ZNF276: variants seen among roughly 807,000 people sequenced by gnomAD.
ZNF276 encodes zinc finger protein 276.
A neutral mutation model predicts 63.9 loss-of-function variants in ZNF276; 59 were observed. That is an observed-to-expected ratio of 0.92 (90% CI 0.75 to 1.15). The LOEUF is 1.15. Among genes scored for constraint, ZNF276 ranks in the 50% most tolerant of loss-of-function variants. ZNF276 has a pLI of 0.00. For synonymous variants in ZNF276, 496 were observed against 348.4 expected, an observed-to-expected ratio of 1.42 and a Z score of -4.72; for missense variants, 1,084 against 843.8, an observed-to-expected ratio of 1.28 and a Z score of -3.53.
At position 89,739,603 on chromosome 16, in the gene ZNF276, A is replaced by T. The variant is rs1168461594; in HGVS notation, c.*1357A>T. On this transcript the variant is annotated 3_prime_UTR_variant, in exon 11 of 11. Transcript: ENST00000443381. ...GCAACTCTGGACATCTCTGCCTATT[A>T]TCAGTGCTGGGGACACCCCTGGGGG... 2 of 1,540,842 alleles carry T rather than the reference A, an allele frequency of 1.3e-6. No individual in the cohort carries two copies. Among genetic ancestry groups the T allele is most frequent in the Middle Eastern group, 1.7e-4 (1 of 5,958 alleles).
In ZNF276 at chr16:89,740,790, A is replaced by T; in HGVS notation, c.*2544A>T. On this transcript the variant is annotated 3_prime_UTR_variant, in exon 11 of 11. Coordinates refer to ENST00000443381, the MANE Select transcript of ZNF276 (RefSeq NM_001113525.2). ...AGTGGGAGAGGACACCTTGGCTGGTAAGGTCTGACTTACATTTGAGGTCAG... is the reference window on the plus strand; with the variant it reads ...AGTGGGAGAGGACACCTTGGCTGGTTAGGTCTGACTTACATTTGAGGTCAG... The T allele has an allele frequency of 6.2e-7, 1 of 1,612,204 alleles. No individual in the cohort carries two copies. The highest frequency in any genetic ancestry group is 8.5e-7 in the Non-Finnish European group (1 of 1,178,668).
intron 4 of ZNF276, among the ~76,000 whole-genome samples, chr16:89,724,867 T>C (rs561903944): frequency 9.2e-5 from 14 of 152,316 alleles, no homozygotes; most frequent in South Asian, 4.1e-4. Context: ...TCTCTCTCTA[T>C]CTACCTACCT....
chr16:89,720,877 A>AGGCGGCGGCGGT, upstream of ZNF276: 11 of 1,349,056 alleles, frequency 8.2e-6, no homozygotes, highest in Non-Finnish European at 1.1e-5. Flanking sequence ...CGAGCGGGGG[A>AGGCGGCGGCGGT]GGCGGCGGCG....
chr16:89,722,147 C>T (rs1457465417), intron 1 of ZNF276, among the ~76,000 whole-genome samples: 1 of 152,166 alleles, frequency 6.6e-6, no homozygotes, highest in Non-Finnish European at 1.5e-5. Context: ...ATCGCCCTCC[C>T]CTGCTTCGTG....
rs2062033003 is a variant in ZNF276, at chr16:89,738,735, C to T, written c.*489C>T. The stretch of plus-strand genomic sequence containing the variant: ...TGTGAGAGAGGAGCAGGTCCTCAGC[C>T]CATGCCGCCCACTAGGCCTCAGACC... On this transcript the variant is annotated 3_prime_UTR_variant, in exon 11 of 11. Transcript: ENST00000443381. The T allele has an allele frequency of 6.2e-7, 1 of 1,613,140 alleles. No individual in the cohort carries two copies. Among genetic ancestry groups the T allele is most frequent in the Non-Finnish European group, 8.5e-7 (1 of 1,179,616 alleles).
chr16:89,726,521 C>T (rs1407504301), intron 4 of ZNF276, among the ~76,000 whole-genome samples: 8 of 152,060 alleles, frequency 5.3e-5, no homozygotes, highest in Non-Finnish European at 8.8e-5. Flanking sequence ...TTTGTAGAGA[C>T]GGGGTTTAAC....
Position 89,738,495 on chromosome 16 carries a change from G to A in ZNF276, c.*249G>A, listed in dbSNP as rs1238708842. 4 of 1,542,590 alleles carry A rather than the reference G, an allele frequency of 2.6e-6. No individual in the cohort carries two copies. In the African/African-American group the frequency reaches 4.1e-5, roughly 16 times the overall value. Reference sequence around the variant, plus strand: ...ATTGATTCCTTTCCCCACTAAAGCAGTCGAGGAGATTTGTAATCCACTTTT... The same window carrying A: ...ATTGATTCCTTTCCCCACTAAAGCAATCGAGGAGATTTGTAATCCACTTTT... On this transcript the variant is annotated 3_prime_UTR_variant, in exon 11 of 11. Transcript: ENST00000443381.
rs555465664 is a variant in ZNF276 at position 89,739,942 on chromosome 16, C to T, written c.*1696C>T. 256 of 1,608,660 alleles carry T rather than the reference C, an allele frequency of 1.6e-4. 9 individuals are homozygous for T. The South Asian group carries it at 2.7e-3, about 17-fold the overall frequency. On this transcript the variant is annotated 3_prime_UTR_variant, in exon 11 of 11. Transcript: ENST00000443381. ...CTCGTTCTTAACCATTTGCAAGATG[C>T]CTCTGAAAAGAGCGGCCCTCCGCAT...
Position 89,723,162 on chromosome 16 carries a change from G to T in ZNF276, c.535G>T (p.Ala179Ser). 1.9e-6 allele frequency: 3 copies of T among 1,613,252 alleles called. No individual in the cohort carries two copies. Among genetic ancestry groups the T allele is most frequent in the Non-Finnish European group, 2.5e-6 (3 of 1,180,036 alleles). The change falls in exon 3 of 11, where the codon GCA becomes TCA. Residue 179 changes from alanine to serine, a missense_variant. Ala to Ser is a moderately conservative substitution (Grantham distance 99). Transcript: ENST00000443381. ...AKVGAQPPTG[A>S]EEGACLVDLI... ...GGTCGGTGCCCAGCCCCCAACAGGG[G>T]CAGAGGAGGGAGCGTGTCTGGGTGA...
At chr16:89,735,896 TTTGTTTG>T (rs1291386072) in intron 9 of ZNF276, among the ~76,000 whole-genome samples, 17 of 93,128 alleles carry the variant, frequency 1.8e-4, no homozygotes, top group South Asian at 9.2e-4. Context: ...TTTTTGTTTG[TTTGTTTG>T]TTTTTTTGAC....
intron 9 of ZNF276, chr16:89,737,520 C>G (rs75003620): frequency 3.2e-6 from 1 of 317,188 alleles, no homozygotes; most frequent in African/African-American, 2.4e-5. Context: ...AACTCCATCT[C>G]AAAAAAAAAA....
intron 6 of ZNF276, 80 bp from the exon 7 acceptor site, chr16:89,733,222 A>AT: frequency 7.6e-7 from 1 of 1,315,792 alleles, no homozygotes; most frequent in East Asian, 2.3e-5. Flanking sequence ...AGAAAAGACC[A>AT]TTTCTCAGGT....
Position 89,723,500 on chromosome 16 carries a change from A to G in ZNF276, c.797A>G (p.Glu266Gly), listed in dbSNP as rs1269183106. 1 of 1,612,908 alleles carries G rather than the reference A, an allele frequency of 6.2e-7. No homozygotes were observed. The highest frequency in any genetic ancestry group is 8.5e-7 in the Non-Finnish European group (1 of 1,179,998). The change falls in exon 4 of 11, where the codon GAG becomes GGG. Residue 266 changes from glutamate to glycine, a missense_variant. Physicochemically the swap from Glu to Gly is moderately conservative, Grantham distance 98. Coordinates refer to ENST00000443381, the MANE Select transcript of ZNF276 (RefSeq NM_001113525.2). ...GCAGTCAAGTGGCCATGGGACAAAG[A>G]GACGGCGCCACGGCTGCCCCAGCAC... ...ALAVKWPWDKETAPRLPQHRG... is the reference protein window; with the variant it reads ...ALAVKWPWDKGTAPRLPQHRG...
intron 5 of ZNF276, among the ~76,000 whole-genome samples, 194 bp downstream of exon 5, chr16:89,727,551 C>G (rs1418353079): frequency 2.0e-5 from 3 of 152,186 alleles, no homozygotes; most frequent in Admixed American, 6.5e-5. Context: ...TGTCCGTGCC[C>G]TGGTTGGGAC....
chr16:89,729,278 C>T lies in ZNF276; in HGVS notation c.1129C>T (p.Gln377Ter), dbSNP rs374059736. ...TGAAAATGACAAGAAGCAAAATGCC[C>T]AGTCTTCGGACGAGTCCTTTGAGCC... The part of the protein sequence containing the change: ...EDENDKKQNA[Q>*]SSDESFEPYP... The change falls in exon 6 of 11, where the codon CAG becomes TAG. Residue 377 changes from glutamine (Q) to a stop codon, truncating the protein, a stop_gained. Transcript: ENST00000443381. LOFTEE classifies it high-confidence loss of function. The T allele has an allele frequency of 1.2e-6, 2 of 1,614,140 alleles. No individual in the cohort carries two copies. Among genetic ancestry groups the T allele is most frequent in the Non-Finnish European group, 1.7e-6 (2 of 1,180,026 alleles).
At position 89,738,297 on chromosome 16, in the gene ZNF276, G is replaced by A. The variant is rs370868774; in HGVS notation, c.*51G>A. 2 of 1,539,378 alleles carry A rather than the reference G, an allele frequency of 1.3e-6. No individual in the cohort carries two copies. Among genetic ancestry groups the A allele is most frequent in the Non-Finnish European group, 1.7e-6 (2 of 1,143,660 alleles). On this transcript the variant is annotated 3_prime_UTR_variant, in exon 11 of 11. Coordinates refer to ENST00000443381, the MANE Select transcript of ZNF276 (RefSeq NM_001113525.2). The stretch of plus-strand genomic sequence containing the variant: ...TAGCAGCCTGGACTCCGCAGTGGCT[G>A]TGTCAGCCTCACCCTTCGTGTGCAC...
In ZNF276 at chr16:89,729,347, G is replaced by C. The variant is rs1210972188; in HGVS notation, c.1169+29G>C. ...AGTGGGCAGCCCGGGGTCTGCTGGA[G>C]GCATCCGTTGGGCGACCTAGACACC... On this transcript the variant is annotated intron_variant, in intron 6 of 10. Coordinates refer to ENST00000443381, the MANE Select transcript of ZNF276 (RefSeq NM_001113525.2). 2.5e-6 allele frequency: 4 copies of C among 1,607,368 alleles called. No individual in the cohort carries two copies. In the African/African-American group the frequency reaches 4.0e-5, roughly 16 times the overall value.
rs778732012 is a variant in ZNF276 at position 89,727,340 on chromosome 16, C to T, written c.1068C>T (p.Phe356=). The T allele has an allele frequency of 6.2e-7, 1 of 1,613,964 alleles. No homozygotes were observed. Among genetic ancestry groups the T allele is most frequent in the African/African-American group, 1.3e-5 (1 of 74,910 alleles). Residue 356 remains phenylalanine (F), a synonymous_variant, in exon 5 of 11, where the codon TTC becomes TTT. Transcript: ENST00000443381. ...CGGATGATCGGGTAAAAGACGAGTT[C>T]AGTGACCTTTCTGAGGGGTGAGAGA... ...STSDDRVKDE[F]SDLSEGDVLS... is the part of the protein sequence containing the mutation.
chr16:89,730,476 C>T (rs993435506), intron 6 of ZNF276, among the ~76,000 whole-genome samples: 3 of 152,102 alleles, frequency 2.0e-5, no homozygotes, highest in African/African-American at 7.2e-5. Context: ...TTTTCCGGAT[C>T]GAGGCAGATT....
Sources: gnomAD v4.1 joint callset for allele counts (sites outside exome capture counted in the v4.1 genomes callset) on GRCh38, gnomAD v4.1.1 for gene constraint, MANE v1.5 for transcripts, NCBI Gene and HGNC (gene_info 2026-07-23, HGNC 2026-07-21) for gene names.